The following RGS9 variants were observed in gnomAD, a reference collection of about 807,000 sequenced individuals.
The protein encoded by RGS9 is regulator of G-protein signalling 9.
Under a neutral mutation model 102.0 loss-of-function variants are expected in RGS9, and 78 were observed. The ratio of observed to expected loss-of-function variants is 0.76; its 90% confidence interval spans 0.64 to 0.92. The LOEUF (loss-of-function observed/expected upper bound fraction) is 0.92. Ranked by LOEUF, RGS9 falls within the 40% of genes least tolerant of loss-of-function variation. RGS9 has a pLI of 0.00. For missense variants in RGS9, 833 were observed against 866.1 expected (o/e 0.96, Z 0.48); for synonymous variants, 353 against 318.6 (o/e 1.11, Z -1.15).
Position 65,225,373 on chromosome 17 carries a change from A to T in RGS9, c.1779A>T (p.Ser593=), listed in dbSNP as rs1311419475. The change falls in exon 18 of 19, where the codon TCA becomes TCT. Residue 593 remains serine, a synonymous_variant. Transcript: ENST00000262406. ...TTCTGAGACGAGGCTGTCTGGCCTC[A>T]CCTGTCTTTGCCAGGCTCTCACCCA... ...SRFLRRGCLA[S]PVFARLSPKC... 6.2e-7 allele frequency: 1 copy of T among 1,611,798 alleles called. No individual in the cohort carries two copies. Among genetic ancestry groups the T allele is most frequent in the Non-Finnish European group, 8.5e-7 (1 of 1,180,028 alleles).
chr17:65,179,581 G>A (rs906322803), intron 9 of RGS9, among the ~76,000 whole-genome samples: 1 of 151,876 alleles, frequency 6.6e-6, no homozygotes, highest in Non-Finnish European at 1.5e-5. Flanking sequence ...TCTGAGATGG[G>A]GGGGTGGGAA....
At chr17:65,152,819 T>G (rs534124006) in intron 1 of RGS9, among the ~76,000 whole-genome samples, 2 of 152,384 alleles carry the variant, frequency 1.3e-5, no homozygotes, top group South Asian at 4.1e-4. Flanking sequence ...CGTGAGCCAC[T>G]GTGCCTGGTC....
chr17:65,170,681 G>A (rs1911380946), intron 8 of RGS9, among the ~76,000 whole-genome samples: 1 of 152,154 alleles, frequency 6.6e-6, no homozygotes, highest in Admixed American at 6.5e-5. Context: ...ACACGTGCCT[G>A]GTCCTTCTTT....
At position 65,204,307 on chromosome 17, in the gene RGS9, T is replaced by C; in HGVS notation, c.1203+6T>C. 1 of 1,613,742 alleles carries C rather than the reference T, an allele frequency of 6.2e-7. No homozygotes were observed. The highest frequency in any genetic ancestry group is 8.5e-7 in the Non-Finnish European group (1 of 1,179,934). The stretch of plus-strand genomic sequence containing the variant: ...TTTACATGCTCATGAAGAAGGTAGG[T>C]GGGTCCGTGCTGTGGATACGGGGTC... On this transcript the variant is annotated splice_donor_region_variant and intron_variant, in intron 15 of 18. Transcript: ENST00000262406.
intron 17 of RGS9, among the ~76,000 whole-genome samples, chr17:65,224,126 A>G (rs1598012480): frequency 6.6e-6 from 1 of 152,188 alleles, no homozygotes; most frequent in African/African-American, 2.4e-5. Flanking sequence ...ACCCAGGCCC[A>G]TGGGCCAGTG....
chr17:65,177,640 T>C, intron 8 of RGS9, 92 bp from the exon 9 acceptor site: 2 of 1,240,800 alleles, frequency 1.6e-6, no homozygotes, highest in Non-Finnish European at 2.4e-6. Context: ...CTCAGCTCAA[T>C]CTCACAATTG....
intron 9 of RGS9, 99 bp from the exon 10 acceptor site, chr17:65,189,187 A>T: frequency 9.7e-7 from 1 of 1,027,390 alleles, no homozygotes; most frequent in Non-Finnish European, 1.5e-6. Context: ...AAAAATGGGC[A>T]TTTTTCTCAT....
intron 3 of RGS9, 96 bp from the exon 4 acceptor site, chr17:65,160,137 G>T: frequency 1.1e-6 from 1 of 916,572 alleles, no homozygotes; most frequent in Non-Finnish European, 1.8e-6. Context: ...GTTAGGAAGG[G>T]GCACCTGTCC....
At chr17:65,141,934 G>A (rs555630002) in intron 1 of RGS9, among the ~76,000 whole-genome samples, 1 of 152,218 alleles carries the variant, frequency 6.6e-6, no homozygotes, top group Non-Finnish European at 1.5e-5. Flanking sequence ...AGTGAGTTTG[G>A]CGTTGATGGA....
In RGS9 at chr17:65,197,121, T is replaced by G. The variant is rs1228566246; in HGVS notation, c.861-5T>G. 1.9e-6 allele frequency: 3 copies of G among 1,608,494 alleles called. No homozygotes were observed. The highest frequency in any genetic ancestry group is 2.6e-6 in the Non-Finnish European group (3 of 1,175,654). On this transcript the variant is annotated splice_region_variant and splice_polypyrimidine_tract_variant and intron_variant, in intron 12 of 18. Coordinates refer to ENST00000262406, the MANE Select transcript of RGS9 (RefSeq NM_003835.4). Reference sequence around the variant, plus strand: ...CTCTGGTGCATTTACAAATCATCCTTGCAGGGTGGAAATCCCAACCAAGAT... The same window carrying G: ...CTCTGGTGCATTTACAAATCATCCTGGCAGGGTGGAAATCCCAACCAAGAT...
chr17:65,202,514 C>A (rs746304852), intron 14 of RGS9, among the ~76,000 whole-genome samples: 7 of 151,606 alleles, frequency 4.6e-5, no homozygotes, highest in Non-Finnish European at 8.8e-5. Context: ...CTATTCCTCA[C>A]GCTTCCTTAG....
At chr17:65,163,153 TC>T in intron 7 of RGS9, 64 bp downstream of exon 7, 1 of 758,684 alleles carries the variant, frequency 1.3e-6, no homozygotes, top group South Asian at 2.1e-5. Flanking sequence ...CTTCTTTGTT[TC>T]TTTTTATTTA....
intron 12 of RGS9, among the ~76,000 whole-genome samples, 181 bp from the exon 13 acceptor site, chr17:65,196,945 G>T (rs561439096): frequency 1.5e-3 from 231 of 152,316 alleles, no homozygotes; most frequent in African/African-American, 5.4e-3. Context: ...AGCCCCGGGG[G>T]ACTTGTCTGT....
chr17:65,197,951 G>A (rs9915881), intron 13 of RGS9, among the ~76,000 whole-genome samples: 3,901 of 152,258 alleles, frequency 0.026, 165 homozygotes, highest in African/African-American at 0.089. Flanking sequence ...GATTACAGGC[G>A]TGAGCCACTG....
At chr17:65,196,693 G>A (rs923906856) in intron 12 of RGS9, among the ~76,000 whole-genome samples, 1 of 149,878 alleles carries the variant, frequency 6.7e-6, no homozygotes, top group African/African-American at 2.4e-5. Flanking sequence ...GGCAGCTGTC[G>A]TGGGTGATAG....
intron 9 of RGS9, among the ~76,000 whole-genome samples, chr17:65,178,710 G>A (rs1000628514): frequency 2.0e-5 from 3 of 152,110 alleles, no homozygotes; most frequent in African/African-American, 7.2e-5. Flanking sequence ...TTTCTATGTT[G>A]CCCAGGCTGG....
At chr17:65,200,810 A>C (rs935755680) in intron 13 of RGS9, among the ~76,000 whole-genome samples, 14 of 152,188 alleles carry the variant, frequency 9.2e-5, no homozygotes, top group African/African-American at 3.4e-4. Context: ...CAATCTGAAA[A>C]AACTTGCAGA....
intron 2 of RGS9, among the ~76,000 whole-genome samples, chr17:65,156,514 A>T (rs1376044329): frequency 6.6e-6 from 1 of 152,222 alleles, no homozygotes; most frequent in Non-Finnish European, 1.5e-5. Flanking sequence ...CAACAACAGC[A>T]CCGATAAAAA....
chr17:65,220,176 G>T (rs926168274), intron 17 of RGS9, among the ~76,000 whole-genome samples: 2 of 152,164 alleles, frequency 1.3e-5, no homozygotes, highest in Admixed American at 6.5e-5. Flanking sequence ...TGTTGGTGTT[G>T]TCCAATATAG....
Sources: allele counts gnomAD v4.1 joint callset (sites outside exome capture counted in the v4.1 genomes callset), GRCh38; gene constraint gnomAD v4.1.1; transcripts MANE v1.5; gene names NCBI Gene and HGNC (gene_info 2026-07-23, HGNC 2026-07-21).